The following CSNK2A1 variants were observed in gnomAD, a reference collection of about 807,000 sequenced individuals.
CSNK2A1 encodes the protein casein kinase II subunit alpha.
A neutral mutation model predicts 62.9 loss-of-function variants in CSNK2A1; 10 were observed. The ratio of observed to expected loss-of-function variants is 0.16; its 90% CI spans 0.10 to 0.27. The LOEUF (loss-of-function observed/expected upper bound fraction) is 0.27, where lower values mean the gene tolerates loss of function less well. Ranked by LOEUF, CSNK2A1 falls within the 10% of genes least tolerant of loss-of-function variation. The pLI is 1.00. For missense variants in CSNK2A1, 160 were observed against 492.0 expected (o/e 0.33, Z 6.38); for synonymous variants, 124 against 167.8 (o/e 0.74, Z 2.02).
rs1197445259 is a variant in CSNK2A1 at position 505,362 on chromosome 20, T to TG, written c.102-134_102-133insC. On this transcript the variant is annotated intron_variant, in intron 3 of 13. Transcript: ENST00000217244. ...CAATTCCCAAATAGGTTTTTTTTTT[T>TG]TTTTTTTTTTTTTTGGAGATGGAGT... 23 of 708,628 alleles carry TG rather than the reference T, an allele frequency of 3.2e-5. No homozygotes were observed. The African/African-American group carries it at 4.6e-4, about 14-fold the overall frequency. The allele number at this position is 708,628 out of a possible 1,614,324, so 43.9% of individuals were successfully genotyped here.
chr20:490,449 C>A (rs1267550314), intron 9 of CSNK2A1, among the ~76,000 whole-genome samples: 1 of 122,164 alleles, frequency 8.2e-6, no homozygotes, highest in African/African-American at 3.2e-5. Context: ...CTTGCTCTGT[C>A]GCCCAGGCTG....
In CSNK2A1 at chr20:480,377, C is replaced by A. The variant is rs1186166417; in HGVS notation, c.*3584G>T. 6.6e-6 allele frequency: 1 copy of A among 151,438 alleles called. No homozygotes were observed. Among genetic ancestry groups the A allele is most frequent in the Admixed American group, 6.6e-5 (1 of 15,190 alleles). 9.4% of individuals were successfully genotyped at this position (151,438 alleles called of 1,614,324 possible). On this transcript the variant is annotated 3_prime_UTR_variant, in exon 14 of 14. Coordinates refer to ENST00000217244, the MANE Select transcript of CSNK2A1 (RefSeq NM_177559.3). ...TAGGGTGTTAAATATTTTCCTCGTG[C>A]CATTCCATTCAATACTCTTCGATCC... is the stretch of plus-strand genomic sequence containing the variant.
chr20:521,642 A>C (rs946032058), intron 2 of CSNK2A1, among the ~76,000 whole-genome samples: 14 of 152,374 alleles, frequency 9.2e-5, no homozygotes, highest in Middle Eastern at 3.4e-3. Flanking sequence ...TTGTGAAAAA[A>C]CAGAAACAAC....
At chr20:487,277 G>A in intron 12 of CSNK2A1, 150 bp downstream of exon 12, 1 of 1,009,290 alleles carries the variant, frequency 9.9e-7, no homozygotes, top group Non-Finnish European at 1.5e-6. Context: ...ATTCTGCAAT[G>A]TAGTTGCCAT....
chr20:515,120 C>T (rs1397721721), intron 2 of CSNK2A1, among the ~76,000 whole-genome samples: 2 of 152,142 alleles, frequency 1.3e-5, no homozygotes, highest in East Asian at 3.8e-4. Flanking sequence ...AGGGAGAAGG[C>T]TGTTAACAGT....
chr20:519,185 A>G (rs2018891979), intron 2 of CSNK2A1, among the ~76,000 whole-genome samples: 1 of 151,656 alleles, frequency 6.6e-6, no homozygotes, highest in Admixed American at 6.6e-5. Flanking sequence ...TGACCCGCCC[A>G]TCTTGGCCTC....
At chr20:486,856 T>C (rs942463708) in intron 12 of CSNK2A1, 1 of 196,962 alleles carries the variant, frequency 5.1e-6, no homozygotes, top group Non-Finnish European at 1.1e-5. Context: ...CCATGTAGCT[T>C]AGGGCTATGA....
chr20:503,425 T>C (rs758688923), intron 4 of CSNK2A1: 47 of 398,454 alleles, frequency 1.2e-4, no homozygotes, highest in Non-Finnish European at 1.9e-4. Context: ...TCAAGACAGA[T>C]ATAAATACTT....
chr20:503,490 C>T, intron 4 of CSNK2A1: 1 of 398,668 alleles, frequency 2.5e-6, no homozygotes, highest in East Asian at 3.6e-5. Flanking sequence ...CACAGGAATA[C>T]TGTGGAACAC....
intron 13 of CSNK2A1, among the ~76,000 whole-genome samples, chr20:485,965 A>G (rs767490816): frequency 2.0e-5 from 3 of 152,246 alleles, no homozygotes; most frequent in Non-Finnish European, 4.4e-5. Context: ...GGCACTCTAT[A>G]GTTGCTCTGG....
chr20:485,111 T>TAATAATAATA (rs1568496684), intron 13 of CSNK2A1, among the ~76,000 whole-genome samples: 1 of 27,774 alleles, frequency 3.6e-5, no homozygotes, highest in African/African-American at 1.5e-4. Flanking sequence ...AAAAAAAAAA[T>TAATAATAATA]ATATATATAT....
chr20:505,071 T>A, intron 4 of CSNK2A1, 47 bp downstream of exon 4: 4 of 1,497,640 alleles, frequency 2.7e-6, no homozygotes, highest in Middle Eastern at 2.4e-4. Context: ...AAACTACTTT[T>A]AAAAATCTAT....
At chr20:524,708 C>CAA (rs56228720) in intron 2 of CSNK2A1, among the ~76,000 whole-genome samples, 482 of 82,398 alleles carry the variant, frequency 5.8e-3, no homozygotes, top group East Asian at 0.01. Context: ...GACTCCATCT[C>CAA]AAAAAAAAAA....
intron 2 of CSNK2A1, among the ~76,000 whole-genome samples, chr20:511,522 A>G (rs1373075823): frequency 1.3e-5 from 2 of 152,122 alleles, no homozygotes; most frequent in Admixed American, 6.5e-5. Context: ...TGCAACCACT[A>G]TTCTATTTTC....
At chr20:494,997 T>C (rs1389892882) in intron 8 of CSNK2A1, 2 of 152,230 alleles carry the variant, frequency 1.3e-5, no homozygotes, top group Non-Finnish European at 2.9e-5. Context: ...CGTTTTTTCT[T>C]CTACATCAAA....
intron 2 of CSNK2A1, among the ~76,000 whole-genome samples, chr20:513,534 G>A (rs1279782911): frequency 1.3e-5 from 2 of 152,190 alleles, no homozygotes; most frequent in Admixed American, 6.5e-5. Flanking sequence ...GTTAATTCCC[G>A]GCCACTGAGG....
intron 2 of CSNK2A1, among the ~76,000 whole-genome samples, chr20:516,027 A>C (rs544278923): frequency 6.6e-6 from 1 of 152,356 alleles, no homozygotes; most frequent in South Asian, 2.1e-4. Context: ...AGAATACTGA[A>C]GAAACTTGAT....
At chr20:486,227 C>G in intron 13 of CSNK2A1, 149 bp downstream of exon 13, 2 of 772,818 alleles carry the variant, frequency 2.6e-6, no homozygotes, top group East Asian at 2.7e-5. Flanking sequence ...TAAAGTATAC[C>G]AAATGTCAAG....
intron 4 of CSNK2A1, chr20:502,777 T>A (rs890147934): frequency 2.0e-5 from 3 of 152,230 alleles, no homozygotes; most frequent in African/African-American, 7.2e-5. Context: ...CTTCGCCAAC[T>A]TAATCTCTCT....
Sources: gnomAD v4.1 joint callset for allele counts (sites outside exome capture counted in the v4.1 genomes callset) on GRCh38, gnomAD v4.1.1 for gene constraint, MANE v1.5 for transcripts, NCBI Gene and HGNC (gene_info 2026-07-23, HGNC 2026-07-21) for gene names.